The following PHLDB3 variants were observed in gnomAD, a reference collection of about 807,000 sequenced individuals.
PHLDB3 encodes the protein pleckstrin homology-like domain family B member 3.
In PHLDB3, 86 loss-of-function variants were observed where a neutral mutation model predicts 85.7. That is an observed-to-expected ratio of 1.00 (90% CI 0.84 to 1.20). The LOEUF (loss-of-function observed/expected upper bound fraction) is 1.20, where lower values mean the gene tolerates loss of function less well. PHLDB3 is among the 50% of genes most tolerant of loss of function. PHLDB3 has a pLI of 0.00. For synonymous variants in PHLDB3, 376 were observed against 349.8 expected, an observed-to-expected ratio of 1.07 and a Z score of -0.83; for missense variants, 995 against 873.0, an observed-to-expected ratio of 1.14 and a Z score of -1.76.
chr19:43,486,705 A>G lies in PHLDB3; in HGVS notation c.1341-9T>C. 1 of 1,613,808 alleles carries G rather than the reference A, an allele frequency of 6.2e-7. No individual in the cohort carries two copies. The highest frequency in any genetic ancestry group is 8.5e-7 in the Non-Finnish European group (1 of 1,179,800). Reference sequence around the variant, plus strand: ...GATGGATGGCCCCACAGCTAGGAGGAGGGAACACAGACGGGGTGGGTTACA... The same window carrying G: ...GATGGATGGCCCCACAGCTAGGAGGGGGGAACACAGACGGGGTGGGTTACA... On this transcript the variant is annotated splice_polypyrimidine_tract_variant and intron_variant, in intron 11 of 15. Coordinates refer to ENST00000292140, the MANE Select transcript of PHLDB3 (RefSeq NM_198850.4).
chr19:43,504,196 G>A (rs1971696110), intron 1 of PHLDB3, 64 bp from the exon 2 acceptor site: 7 of 1,419,342 alleles, frequency 4.9e-6, no homozygotes, highest in Non-Finnish European at 3.7e-6. Context: ...CGCCGCTCGC[G>A]TCTGCTCCGG....
At chr19:43,495,458 G>A (rs967178064) in intron 7 of PHLDB3, 37 bp downstream of exon 7, 15 of 1,604,484 alleles carry the variant, frequency 9.3e-6, no homozygotes, top group African/African-American at 1.3e-5. Flanking sequence ...AGGGGGAAGT[G>A]AGGACGGTAG....
intron 8 of PHLDB3, 141 bp from the exon 9 acceptor site, chr19:43,494,956 G>A (rs886569446): frequency 3.0e-5 from 20 of 667,250 alleles, no homozygotes; most frequent in Middle Eastern, 4.0e-4. Flanking sequence ...GTGGTCCTTC[G>A]TGTCCAGTCT....
chr19:43,498,805 AAGG>A (rs1967388348), intron 4 of PHLDB3, among the ~76,000 whole-genome samples: 1 of 152,324 alleles, frequency 6.6e-6, no homozygotes, highest in South Asian at 2.1e-4. Flanking sequence ...GGGAAAATAA[AAGG>A]AGCTAGAAGA....
intron 6 of PHLDB3, 143 bp from the exon 7 acceptor site, chr19:43,495,763 G>C: frequency 8.3e-7 from 1 of 1,207,058 alleles, no homozygotes; most frequent in Non-Finnish European, 1.1e-6. Flanking sequence ...TGGGGACCCA[G>C]CGTTCAGCTC....
At chr19:43,489,395 G>T (rs1476815656) in intron 9 of PHLDB3, among the ~76,000 whole-genome samples, 2 of 146,734 alleles carry the variant, frequency 1.4e-5, no homozygotes, top group Non-Finnish European at 3.0e-5. Context: ...TTTTAAGCGA[G>T]TACAGAACAG....
At chr19:43,486,423 T>G in intron 12 of PHLDB3, 101 bp from the exon 13 acceptor site, 8 of 1,309,488 alleles carry the variant, frequency 6.1e-6, no homozygotes, top group Non-Finnish European at 8.4e-6. Flanking sequence ...GTACAGGGAC[T>G]GGGGGCCTGG....
rs1410722484 is a variant in PHLDB3, at chr19:43,495,306, G to T, written c.985C>A (p.Gln329Lys). 1.9e-6 allele frequency: 3 copies of T among 1,613,710 alleles called. No homozygotes were observed. In the South Asian group the frequency reaches 3.3e-5, roughly 18 times the overall value. ...GAGAAGTCCCCGCCAGGTGTTCCCT[G>T]AAGGCAATTGAGCTCGAGCAGCCGG... ...RSRLLELNCLQGTPGGDFSEP... is the reference protein window; with the variant it reads ...RSRLLELNCLKGTPGGDFSEP... Residue 329 changes from glutamine to lysine, a missense_variant, in exon 8 of 16, where the codon CAG becomes AAG. Transcript: ENST00000292140.
At chr19:43,486,437 C>T in intron 12 of PHLDB3, 115 bp from the exon 13 acceptor site, 2 of 1,283,572 alleles carry the variant, frequency 1.6e-6, no homozygotes, top group Non-Finnish European at 2.1e-6. Context: ...GGCCTGGACT[C>T]CTGGGTATGA....
chr19:43,498,781 G>A (rs571294968), intron 4 of PHLDB3, among the ~76,000 whole-genome samples: 4 of 152,276 alleles, frequency 2.6e-5, no homozygotes, highest in Admixed American at 2.0e-4. Context: ...AACAATCAGG[G>A]AGCATTTGGA....
intron 9 of PHLDB3, among the ~76,000 whole-genome samples, chr19:43,493,356 C>T (rs1046078955): frequency 1.3e-4 from 20 of 151,072 alleles, no homozygotes; most frequent in African/African-American, 3.6e-4. Context: ...CAAATTGGAC[C>T]CATGCGCGGT....
intron 4 of PHLDB3, 68 bp from the exon 5 acceptor site, chr19:43,497,944 T>A (rs1343686988): frequency 1.3e-6 from 2 of 1,537,590 alleles, no homozygotes; most frequent in Non-Finnish European, 1.7e-6. Context: ...CAGCCATATC[T>A]CAGAGCCTGC....
Position 43,497,871 on chromosome 19 carries a change from C to G in PHLDB3, c.540G>C (p.Gln180His), listed in dbSNP as rs1442004850. Reference sequence around the variant, plus strand: ...GATCCCGTTCCTGGCTCAGCCGCCTCTGTTCCTGAAAGAACAACAAGGTTC... The same window carrying G: ...GATCCCGTTCCTGGCTCAGCCGCCTGTGTTCCTGAAAGAACAACAAGGTTC... ...QRGRQQREQE[Q>H]RRLSQERDRL... Residue 180 changes from glutamine (Q) to histidine (H), a missense_variant, in exon 5 of 16, where the codon CAG becomes CAC. Physicochemically the swap from Gln to His is conservative, Grantham distance 24. Coordinates refer to ENST00000292140, the MANE Select transcript of PHLDB3 (RefSeq NM_198850.4). The G allele has an allele frequency of 6.3e-7, 1 of 1,589,668 alleles. No homozygotes were observed. Among genetic ancestry groups the G allele is most frequent in the Middle Eastern group, 1.7e-4 (1 of 6,032 alleles).
At position 43,503,944 on chromosome 19, in the gene PHLDB3, C is replaced by G; in HGVS notation, c.175G>C (p.Val59Leu). The change falls in exon 2 of 16, where the codon GTG becomes CTG. Residue 59 changes from valine (V) to leucine (L), a missense_variant. By Grantham distance (32) the Val-to-Leu change is conservative. Transcript: ENST00000292140. Reference protein sequence around the residue: ...GAEQQAEEEEVGEGSSTESSR... With the variant: ...GAEQQAEEEELGEGSSTESSR... The stretch of plus-strand genomic sequence containing the variant: ...CTCTCAGTGCTGCTGCCTTCTCCCA[C>G]TTCTTCTTCCTCTGCCTGCTGCTCA... 1 of 1,613,414 alleles carries G rather than the reference C, an allele frequency of 6.2e-7. No individual in the cohort carries two copies. The highest frequency in any genetic ancestry group is 8.5e-7 in the Non-Finnish European group (1 of 1,179,534).
At chr19:43,485,258 A>C (rs59051447) in intron 13 of PHLDB3, among the ~76,000 whole-genome samples, 2,700 of 151,522 alleles carry the variant, frequency 0.018, 79 homozygotes, top group African/African-American at 0.062. Flanking sequence ...TGTCACCAAG[A>C]CTGGAGTGCA....
chr19:43,495,068 G>GGTCCTGGACTCCTGA (rs1971413156), intron 8 of PHLDB3, among the ~76,000 whole-genome samples, 188 bp downstream of exon 8: 1 of 105,880 alleles, frequency 9.4e-6, no homozygotes, highest in Non-Finnish European at 2.0e-5. Flanking sequence ...TGGACTCCTG[G>GGTCCTGGACTCCTGA]GTCTGAGAGA....
In PHLDB3 at chr19:43,504,109, G is replaced by T. The variant is rs769600215; in HGVS notation, c.10C>A (p.Arg4=). The change falls in exon 2 of 16, where the codon CGA becomes AGA. Residue 4 remains arginine, a synonymous_variant. Transcript: ENST00000292140. The part of the protein sequence containing the change: MGT[R]SSPEEGTPPP... ...GGGGTCCCCTCCTCGGGGCTGCTTC[G>T]CGTCCCCATGGCCGCTGGGACTCCT... 1.3e-6 allele frequency: 2 copies of T among 1,599,344 alleles called. No homozygotes were observed. Among genetic ancestry groups the T allele is most frequent in the East Asian group, 2.3e-5 (1 of 44,062 alleles).
At position 43,495,628 on chromosome 19, in the gene PHLDB3, G is replaced by T; in HGVS notation, c.826-8C>A. The T allele has an allele frequency of 6.2e-7, 1 of 1,604,868 alleles. No individual in the cohort carries two copies. On this transcript the variant is annotated splice_polypyrimidine_tract_variant and splice_region_variant and intron_variant, in intron 6 of 15. Coordinates refer to ENST00000292140, the MANE Select transcript of PHLDB3 (RefSeq NM_198850.4). ...GTGCTGCAGAGCACCCCTCTGTCCCGGTTACTCATCTGTCACGGCCCCAGC... is the reference window on the plus strand; with the variant it reads ...GTGCTGCAGAGCACCCCTCTGTCCCTGTTACTCATCTGTCACGGCCCCAGC...
chr19:43,486,973 G>T lies in PHLDB3; in HGVS notation c.1249+51C>A, dbSNP rs561549049. The T allele has an allele frequency of 4.7e-6, 7 of 1,484,390 alleles. No homozygotes were observed. The South Asian group carries it at 6.9e-5, about 15-fold the overall frequency. The allele number at this position is 1,484,390 out of a possible 1,614,324, so 92.0% of individuals were successfully genotyped here. A position where few individuals can be genotyped will look rare whatever the true frequency, so the allele number is the denominator to read the frequency against. On this transcript the variant is annotated intron_variant, in intron 10 of 15. Transcript: ENST00000292140. ...GTGCGGGTTTCCTCCATCCTCTGCT[G>T]CAGGATGAGTGCTGATGTGGGAAGG...
Sources: allele counts gnomAD v4.1 joint callset (sites outside exome capture counted in the v4.1 genomes callset), GRCh38; gene constraint gnomAD v4.1.1; transcripts MANE v1.5; gene names NCBI Gene and HGNC (gene_info 2026-07-23, HGNC 2026-07-21).